ACLY: variants seen among roughly 807,000 people sequenced by gnomAD.
ACLY encodes the protein ATP-citrate synthase.
In ACLY, 41 loss-of-function variants were observed where a neutral mutation model predicts 133.0. That is an observed-to-expected ratio of 0.31 (90% CI 0.24 to 0.40). ACLY has a LOEUF of 0.40. Ranked by LOEUF, ACLY falls within the 10% of genes least tolerant of loss-of-function variation. The pLI is 1.00. For missense variants in ACLY, 1,046 were observed against 1,453.8 expected (o/e 0.72, Z 4.56); for synonymous variants, 495 against 549.3 (o/e 0.90, Z 1.38).
chr17:41,906,986 C>A (rs1355639557), intron 7 of ACLY, among the ~76,000 whole-genome samples: 1 of 152,104 alleles, frequency 6.6e-6, no homozygotes, highest in East Asian at 1.9e-4. Context: ...CATCACACGT[C>A]CCCCCAACCC....
intron 20 of ACLY, among the ~76,000 whole-genome samples, chr17:41,879,526 C>T (rs2048850964): frequency 6.8e-6 from 1 of 147,158 alleles, no homozygotes; most frequent in South Asian, 2.2e-4. Context: ...TCAGGTAATC[C>T]TCCCACCTCA....
intron 18 of ACLY, 35 bp downstream of exon 18, chr17:41,886,077 G>C (rs1555628083): frequency 1.9e-6 from 3 of 1,594,364 alleles, no homozygotes; most frequent in Non-Finnish European, 2.6e-6. Flanking sequence ...TGCTCTCAAA[G>C]CAGGAAGCCC....
upstream of ACLY, among the ~76,000 whole-genome samples, chr17:41,920,097 A>T (rs1289707570): frequency 1.3e-5 from 2 of 152,180 alleles, no homozygotes; most frequent in Non-Finnish European, 2.9e-5. Context: ...ACTTTGGGTC[A>T]TACTCACACT....
chr17:41,906,653 AC>A lies in ACLY; in HGVS notation c.748-8del. On this transcript the variant is annotated splice_region_variant and splice_polypyrimidine_tract_variant and intron_variant, in intron 7 of 28. Transcript: ENST00000352035. ...GGTCTGCAATGTAGGCTTCCTGGGG[AC>A]CAGACAGCAACAGGTAGGCCCTTGG... 6.2e-7 allele frequency: 1 copy of A among 1,612,914 alleles called. No individual in the cohort carries two copies. Among genetic ancestry groups the A allele is most frequent in the Non-Finnish European group, 8.5e-7 (1 of 1,178,932 alleles).
upstream of ACLY, among the ~76,000 whole-genome samples, chr17:41,922,782 A>G (rs1172132561): frequency 6.6e-6 from 1 of 152,228 alleles, no homozygotes; most frequent in Admixed American, 6.5e-5. Context: ...CCTAAGTTTG[A>G]CTATTCCTGG....
At position 41,868,756 on chromosome 17, in the gene ACLY, C is replaced by T; in HGVS notation, c.3164G>A (p.Gly1055Glu). ...REEADEYIDI[G>E]ALNGIFVLGR... ...CAGCACAAAGATGCCATTGAGGGCTCCAATGTCAATATATTCATCAGCTTC... is the reference window on the plus strand; with the variant it reads ...CAGCACAAAGATGCCATTGAGGGCTTCAATGTCAATATATTCATCAGCTTC... Residue 1055 changes from glycine (G) to glutamate (E), a missense_variant, in exon 28 of 29, where the codon GGA becomes GAA. Around this residue, in one of 4 missense-constraint regions of ACLY, gnomAD observed 205 missense variants for 373.3 expected, o/e 0.55. Transcript: ENST00000352035. 1 of 1,613,836 alleles carries T rather than the reference C, an allele frequency of 6.2e-7. No homozygotes were observed. Among genetic ancestry groups the T allele is most frequent in the Non-Finnish European group, 8.5e-7 (1 of 1,179,992 alleles).
chr17:41,886,014 G>T, intron 18 of ACLY, 98 bp downstream of exon 18: 1 of 1,217,780 alleles, frequency 8.2e-7, no homozygotes, highest in Non-Finnish European at 1.2e-6. Flanking sequence ...TGCGGGCCTG[G>T]AACTCAGGGG....
chr17:41,875,655 G>T (rs1375958100), intron 22 of ACLY, among the ~76,000 whole-genome samples: 4 of 152,218 alleles, frequency 2.6e-5, no homozygotes, highest in African/African-American at 9.6e-5. Context: ...TGTTGGCTGG[G>T]CTGGTCTCCA....
At chr17:41,919,295 T>A (rs1454371799), upstream of ACLY, among the ~76,000 whole-genome samples, 1 of 122,756 alleles carries the variant, frequency 8.1e-6, no homozygotes, top group Non-Finnish European at 1.7e-5. Flanking sequence ...AGATTGCCAC[T>A]CGGGGAGTTG....
rs1376116210 is a variant in ACLY, at chr17:41,867,609, T to TA, written c.*200dup. On this transcript the variant is annotated 3_prime_UTR_variant, in exon 29 of 29. Coordinates refer to ENST00000352035, the MANE Select transcript of ACLY (RefSeq NM_001096.3). ...GGCTTGGTTTTTATTTCTATGCTTA[T>TA]AAAAAAAATATGAAGCTTCTTTGTG... 30 of 390,126 alleles carry TA rather than the reference T, an allele frequency of 7.7e-5. No individual in the cohort carries two copies. The highest frequency in any genetic ancestry group is 1.3e-4 in the South Asian group (2 of 15,228). 24.2% of individuals were successfully genotyped at this position (390,126 alleles called of 1,614,324 possible). A position where few individuals can be genotyped will look rare whatever the true frequency, so the allele number is the denominator to read the frequency against.
chr17:41,907,974 T>A (rs955352016), intron 6 of ACLY, among the ~76,000 whole-genome samples: 4 of 152,250 alleles, frequency 2.6e-5, no homozygotes, highest in East Asian at 3.9e-4. Flanking sequence ...CACATCTATG[T>A]CTCCCAGGGT....
chr17:41,890,356 C>T (rs937654619), intron 16 of ACLY, among the ~76,000 whole-genome samples: 1 of 151,596 alleles, frequency 6.6e-6, no homozygotes, highest in East Asian at 1.9e-4. Flanking sequence ...CTTTCTGAGC[C>T]TCCTCTGGCT....
chr17:41,919,997 G>A (rs577667780), upstream of ACLY, among the ~76,000 whole-genome samples: 7 of 152,318 alleles, frequency 4.6e-5, no homozygotes, highest in African/African-American at 1.7e-4. Flanking sequence ...TCTAGCTCCA[G>A]GAAGGAGGCC....
upstream of ACLY, among the ~76,000 whole-genome samples, chr17:41,920,365 C>G (rs946126516): frequency 6.6e-6 from 1 of 152,034 alleles, no homozygotes; most frequent in Non-Finnish European, 1.5e-5. Context: ...TTTGGAAGGC[C>G]AAGGTGGGGG....
intron 13 of ACLY, among the ~76,000 whole-genome samples, chr17:41,897,055 T>C (rs539879906): frequency 6.6e-6 from 1 of 152,294 alleles, no homozygotes; most frequent in South Asian, 2.1e-4. Flanking sequence ...TTGGCCAGCA[T>C]GGGGTTGACC....
At chr17:41,903,178 A>T (rs2049587470) in intron 10 of ACLY, among the ~76,000 whole-genome samples, 1 of 152,166 alleles carries the variant, frequency 6.6e-6, no homozygotes, top group African/African-American at 2.4e-5. Flanking sequence ...CAGATGTGGC[A>T]CACACTCTTT....
rs113763489 is a variant in ACLY at position 41,871,261 on chromosome 17, A to G, written c.2937+428T>C. On this transcript the variant is annotated intron_variant, in intron 25 of 28. Transcript: ENST00000352035. ...TATTTGGCATCTGTCAACACATCCA[A>G]AGCTTTGTATGTTGGAGTTGAAAGC... is the stretch of plus-strand genomic sequence containing the variant. Among the ~76,000 whole-genome samples the G allele has an allele frequency of 1.8e-4, 28 of 152,274 alleles. 1 individual carries two copies. The highest frequency in any genetic ancestry group is 6.3e-4 in the African/African-American group (26 of 41,558).
chr17:41,868,837 T>C (rs1555624498), intron 27 of ACLY, 52 bp from the exon 28 acceptor site: 1 of 1,559,330 alleles, frequency 6.4e-7, no homozygotes, highest in Non-Finnish European at 8.8e-7. Flanking sequence ...ACTGCCCTCC[T>C]CCCCACAGAC....
chr17:41,897,609 C>A, intron 13 of ACLY, 140 bp downstream of exon 13: 1 of 724,236 alleles, frequency 1.4e-6, no homozygotes, highest in Non-Finnish European at 2.2e-6. Context: ...TCCTCGTGTC[C>A]CAGGTGCACT....
Sources: allele counts gnomAD v4.1 joint callset (sites outside exome capture counted in the v4.1 genomes callset), GRCh38; gene constraint gnomAD v4.1.1; regional missense constraint gnomAD v4.1.1; transcripts MANE v1.5; gene names NCBI Gene and HGNC (gene_info 2026-07-23, HGNC 2026-07-21).